RAB4A: variants seen among roughly 807,000 people sequenced by gnomAD.
RAB4A encodes RAB4A, member RAS oncogene family, also known as ras-related protein Rab-4A.
Under a neutral mutation model 34.5 loss-of-function variants are expected in RAB4A, and 20 were observed. The ratio of observed to expected loss-of-function variants is 0.58; its 90% CI spans 0.41 to 0.84. The LOEUF is 0.84. RAB4A is among the 40% of genes least tolerant of loss of function. RAB4A has a pLI of 0.00. For synonymous variants in RAB4A, 102 were observed against 100.0 expected, an observed-to-expected ratio of 1.02 and a Z score of -0.12; for missense variants, 228 against 274.5, an observed-to-expected ratio of 0.83 and a Z score of 1.20.
intron 1 of RAB4A, among the ~76,000 whole-genome samples, chr1:229,283,072 T>C (rs945152666): frequency 1.3e-5 from 2 of 152,228 alleles, no homozygotes; most frequent in African/African-American, 4.8e-5. Flanking sequence ...ATCTTTTAAT[T>C]GTTTTCCTCT....
In RAB4A at chr1:229,302,921, C is replaced by G; in HGVS notation, c.601C>G (p.Gln201Glu). 6.2e-7 allele frequency: 1 copy of G among 1,613,926 alleles called. No homozygotes were observed. The highest frequency in any genetic ancestry group is 8.5e-7 in the Non-Finnish European group (1 of 1,179,930). The change falls in exon 7 of 8, where the codon CAG (glutamine) becomes GAG (glutamate). Residue 201 changes from glutamine to glutamate, a missense_variant. Physicochemically the swap from Gln to Glu is conservative, Grantham distance 29. Coordinates refer to ENST00000366690, the MANE Select transcript of RAB4A (RefSeq NM_004578.4). ...TCAGTACGGAGATGCTGCCTTGAGACAGCTGAGGTCACCGCGGCGCGCACA... is the reference window on the plus strand; with the variant it reads ...TCAGTACGGAGATGCTGCCTTGAGAGAGCTGAGGTCACCGCGGCGCGCACA... ...GIQYGDAALR[Q>E]LRSPRRAQAP...
intron 1 of RAB4A, among the ~76,000 whole-genome samples, chr1:229,279,959 A>G (rs1404117594): frequency 2.0e-5 from 3 of 152,360 alleles, no homozygotes; most frequent in Non-Finnish European, 2.9e-5. Context: ...ACTTAGTTAT[A>G]TAACCTACAT....
rs1657491693 is a variant in RAB4A, at chr1:229,304,308, T to C, written c.*515T>C. On this transcript the variant is annotated 3_prime_UTR_variant, in exon 8 of 8. Transcript: ENST00000366690. ...TGTTTTCTTATTTAACTCCGTTTAC[T>C]ACATTCTACATGGTGTTTACGTGAT... 6.6e-6 allele frequency: 1 copy of C among 152,216 alleles called. No individual in the cohort carries two copies. 9.4% of individuals were successfully genotyped at this position (152,216 alleles called of 1,614,324 possible). A position where few individuals can be genotyped will look rare whatever the true frequency, so the allele number is the denominator to read the frequency against.
Position 229,299,016 on chromosome 1 carries a change from A to T in RAB4A, c.485A>T (p.Asn162Ile). 1 of 1,611,400 alleles carries T rather than the reference A, an allele frequency of 6.2e-7. No homozygotes were observed. The change falls in exon 6 of 8, where the codon AAT becomes ATT. Residue 162 changes from asparagine to isoleucine, a missense_variant. Physicochemically the swap from Asn to Ile is moderately radical, Grantham distance 149. Transcript: ENST00000366690. The part of the protein sequence containing the change: ...FLETSALTGE[N>I]VEEAFVQCAR... Reference sequence around the variant, plus strand: ...GAAACAAGTGCGCTCACAGGGGAGAATGTAGAAGAGGCTTTTGTACAGTGT... The same window carrying T: ...GAAACAAGTGCGCTCACAGGGGAGATTGTAGAAGAGGCTTTTGTACAGTGT...
At chr1:229,292,706 T>C (rs529225048) in intron 3 of RAB4A, among the ~76,000 whole-genome samples, 8 of 152,164 alleles carry the variant, frequency 5.3e-5, no homozygotes, top group Admixed American at 3.9e-4. Context: ...AAGTAATAAT[T>C]AGTAATTTTG....
rs1415049060 is a variant in RAB4A at position 229,302,716 on chromosome 1, A to C, written c.542-146A>C. ...AGAGATGTTTTGTGCCGGTGCAAGCAAACATATATATAGTTTTTTCCCTTT... is the reference window on the plus strand; with the variant it reads ...AGAGATGTTTTGTGCCGGTGCAAGCCAACATATATATAGTTTTTTCCCTTT... On this transcript the variant is annotated intron_variant, in intron 6 of 7. Transcript: ENST00000366690. 8 of 551,442 alleles carry C rather than the reference A, an allele frequency of 1.5e-5. No individual in the cohort carries two copies. The Admixed American group carries it at 2.8e-4, about 19-fold the overall frequency. The allele number at this position is 551,442 out of a possible 1,614,324, so 34.2% of individuals were successfully genotyped here.
At chr1:229,302,291 ATATATATATATATATATATTTTTTT>A (rs1657420988) in intron 6 of RAB4A, among the ~76,000 whole-genome samples, 3 of 23,066 alleles carry the variant, frequency 1.3e-4, no homozygotes, top group Non-Finnish European at 2.3e-4. Flanking sequence ...ATATATATAT[ATATATATATATATATATATTTTTTT>A]TTTTTTTTTA....
At chr1:229,289,515 A>G (rs758358360) in intron 3 of RAB4A, among the ~76,000 whole-genome samples, 2 of 152,262 alleles carry the variant, frequency 1.3e-5, no homozygotes, top group South Asian at 2.1e-4. Context: ...CATGTCGTAT[A>G]TTAAATAATT....
chr1:229,286,752 A>G (rs1043709389), intron 2 of RAB4A, among the ~76,000 whole-genome samples, 186 bp downstream of exon 2: 1 of 152,228 alleles, frequency 6.6e-6, no homozygotes, highest in African/African-American at 2.4e-5. Context: ...CTATTTAACA[A>G]TGGTTCAGTA....
At chr1:229,289,819 AAATT>A (rs1657020360) in intron 3 of RAB4A, among the ~76,000 whole-genome samples, 2 of 152,200 alleles carry the variant, frequency 1.3e-5, no homozygotes, top group South Asian at 2.1e-4. Context: ...TCCATCTCAA[AAATT>A]AATTAAGTAA....
At chr1:229,302,783 CT>C (rs563708134) in intron 6 of RAB4A, 78 bp from the exon 7 acceptor site, 137,480 of 746,146 alleles carry the variant, frequency 0.18, 1 homozygote, top group South Asian at 0.23. Context: ...CTGTACTTTG[CT>C]TTTTTTTTTT....
chr1:229,277,179 A>T (rs1656673830), intron 1 of RAB4A, among the ~76,000 whole-genome samples: 1 of 150,786 alleles, frequency 6.6e-6, no homozygotes, highest in East Asian at 1.9e-4. Context: ...GTGTGATCCC[A>T]ACGAATGGGT....
intron 1 of RAB4A, among the ~76,000 whole-genome samples, chr1:229,274,880 A>G (rs961700055): frequency 1.3e-5 from 2 of 152,220 alleles, no homozygotes; most frequent in African/African-American, 2.4e-5. Flanking sequence ...ATAACAAATG[A>G]AACAGAAGAA....
At chr1:229,292,247 AG>A (rs1657108501) in intron 3 of RAB4A, among the ~76,000 whole-genome samples, 1 of 145,530 alleles carries the variant, frequency 6.9e-6, no homozygotes, top group African/African-American at 2.8e-5. Context: ...GAAAAAAAAA[AG>A]AAAATTTAAC....
chr1:229,280,418 G>A (rs1425913266), intron 1 of RAB4A, among the ~76,000 whole-genome samples: 1 of 152,182 alleles, frequency 6.6e-6, no homozygotes, highest in East Asian at 1.9e-4. Flanking sequence ...CACAGAAAAA[G>A]AATTGATGGA....
At position 229,290,410 on chromosome 1, in the gene RAB4A, G is replaced by A. The variant is rs550510016; in HGVS notation, c.227+1567G>A. The stretch of plus-strand genomic sequence containing the variant: ...TGTATGTCCCACATAGGAGAAAGGA[G>A]CCTTCTCTGCAGAAAAATGAATAGT... On this transcript the variant is annotated intron_variant, in intron 3 of 7. Transcript: ENST00000366690. 2.6e-5 allele frequency among the ~76,000 whole-genome samples: 4 copies of A among 152,282 alleles called. No homozygotes were observed. In the East Asian group the frequency reaches 7.7e-4, roughly 29 times the overall value.
At chr1:229,275,614 CT>C (rs1028884521) in intron 1 of RAB4A, among the ~76,000 whole-genome samples, 1,946 of 131,020 alleles carry the variant, frequency 0.015, 23 homozygotes, top group African/African-American at 0.04. Flanking sequence ...ATTTCTTTTC[CT>C]TTTTTTTTTT....
chr1:229,285,364 C>T (rs1656895656), intron 1 of RAB4A, among the ~76,000 whole-genome samples: 1 of 152,190 alleles, frequency 6.6e-6, no homozygotes, highest in Middle Eastern at 3.4e-3. Context: ...GTTTGATTGC[C>T]TGTAACCATG....
At chr1:229,299,203 C>T in intron 6 of RAB4A, 131 bp downstream of exon 6, 1 of 640,992 alleles carries the variant, frequency 1.6e-6, no homozygotes, top group Non-Finnish European at 2.6e-6. Context: ...AACCTAAAAT[C>T]ATCACATATG....
Sources: gnomAD v4.1 joint callset for allele counts (sites outside exome capture counted in the v4.1 genomes callset) on GRCh38, gnomAD v4.1.1 for gene constraint, MANE v1.5 for transcripts, NCBI Gene and HGNC (gene_info 2026-07-23, HGNC 2026-07-21) for gene names.